The following RGS6 variants were observed in gnomAD, a reference collection of about 807,000 sequenced individuals.
The protein encoded by RGS6 is regulator of G protein signaling 6, also known as regulator of G-protein signaling 6.
A neutral mutation model predicts 78.5 loss-of-function variants in RGS6; 30 were observed. That is an observed-to-expected ratio of 0.38 (90% CI 0.29 to 0.52). The LOEUF (loss-of-function observed/expected upper bound fraction) is 0.52, where lower values mean the gene tolerates loss of function less well. Ranked by LOEUF, RGS6 falls within the 20% of genes least tolerant of loss-of-function variation. The probability of loss-of-function intolerance (pLI) is 0.85; values close to 1 mark genes in which losing one functional copy is unlikely to be tolerated. For synonymous variants in RGS6, 206 were observed against 206.0 expected (o/e 1.00, Z 0.00); for missense variants, 495 against 609.7 (o/e 0.81, Z 1.98).
chr14:72,057,452 ACT>A (rs2093677487), intron 2 of RGS6, among the ~76,000 whole-genome samples: 1 of 151,178 alleles, frequency 6.6e-6, no homozygotes, highest in Non-Finnish European at 1.5e-5. Flanking sequence ...CTGTGGTTAC[ACT>A]CTTACTCTTC....
At chr14:72,094,091 G>A (rs1460081769) in intron 2 of RGS6, among the ~76,000 whole-genome samples, 1 of 152,094 alleles carries the variant, frequency 6.6e-6, no homozygotes, top group Admixed American at 6.6e-5. Context: ...AATGTTTCTT[G>A]TATCATAAAT....
rs140902955 is a variant in RGS6 at position 72,192,756 on chromosome 14, G to A, written c.85-159339G>A. 4.5e-3 allele frequency among the ~76,000 whole-genome samples: 690 copies of A among 152,120 alleles called. 7 individuals carry two copies. Among genetic ancestry groups the A allele is most frequent in the African/African-American group, 0.016 (652 of 41,502 alleles). The stretch of plus-strand genomic sequence containing the variant: ...GGTAGGATATAATTTTCTTTCTTTC[G>A]TTCACTGTCTCAGAGTTATTTTATC... On this transcript the variant is annotated intron_variant, in intron 2 of 17. Coordinates refer to ENST00000553525, the MANE Select transcript of RGS6 (RefSeq NM_001204424.2).
rs77191253 is a variant in RGS6 at position 72,045,085 on chromosome 14, G to A, written c.84+80210G>A. 2.0e-3 allele frequency among the ~76,000 whole-genome samples: 306 copies of A among 152,244 alleles called. 5 individuals carry two copies. In the East Asian group the frequency reaches 0.043, roughly 21 times the overall value. Reference sequence around the variant, plus strand: ...CCTGGTTCTCCAGCTTGCAGATGGCGTACTATGGGACTTCCCAGCCTCCAT... The same window carrying A: ...CCTGGTTCTCCAGCTTGCAGATGGCATACTATGGGACTTCCCAGCCTCCAT... On this transcript the variant is annotated intron_variant, in intron 2 of 17. Transcript: ENST00000553525.
intron 2 of RGS6, among the ~76,000 whole-genome samples, chr14:72,199,353 A>G (rs1239851853): frequency 6.6e-6 from 1 of 152,240 alleles, no homozygotes; most frequent in Non-Finnish European, 1.5e-5. Flanking sequence ...ATTATAGAAG[A>G]GTTGTAAGCA....
chr14:71,997,530 A>G (rs2153210191), intron 2 of RGS6, among the ~76,000 whole-genome samples: 1 of 152,338 alleles, frequency 6.6e-6, no homozygotes, highest in Middle Eastern at 3.4e-3. Context: ...CTAGCTTTGT[A>G]TCAACTTTTC....
chr14:72,303,846 A>C (rs1225681828), intron 2 of RGS6, among the ~76,000 whole-genome samples: 2 of 152,146 alleles, frequency 1.3e-5, no homozygotes, highest in Non-Finnish European at 2.9e-5. Flanking sequence ...CTCTTCTTTC[A>C]CCTATTAAGA....
intron 2 of RGS6, among the ~76,000 whole-genome samples, chr14:72,222,588 C>A (rs1335402434): frequency 6.6e-6 from 1 of 152,256 alleles, no homozygotes; most frequent in Admixed American, 6.5e-5. Flanking sequence ...TAGAATGATA[C>A]CAATTGCAGA....
At chr14:72,289,895 G>A (rs777380135) in intron 2 of RGS6, among the ~76,000 whole-genome samples, 1 of 152,146 alleles carries the variant, frequency 6.6e-6, no homozygotes, top group Non-Finnish European at 1.5e-5. Flanking sequence ...CTAATTAATG[G>A]ATTTGCTGAA....
At chr14:72,283,856 T>A (rs755887711) in intron 2 of RGS6, among the ~76,000 whole-genome samples, 1 of 152,206 alleles carries the variant, frequency 6.6e-6, no homozygotes, top group Non-Finnish European at 1.5e-5. Context: ...AGTTTGGAAC[T>A]TCCTAGAGAC....
chr14:72,115,226 A>G (rs2095859577), intron 2 of RGS6, among the ~76,000 whole-genome samples: 1 of 152,168 alleles, frequency 6.6e-6, no homozygotes, highest in East Asian at 1.9e-4. Context: ...GGATTATTTT[A>G]CAGGATTTCT....
intron 2 of RGS6, among the ~76,000 whole-genome samples, chr14:72,275,404 A>G (rs1368400598): frequency 6.6e-6 from 1 of 152,216 alleles, no homozygotes; most frequent in Non-Finnish European, 1.5e-5. Context: ...GACTAAGTAT[A>G]CACTGGAAGA....
At chr14:72,144,811 G>A (rs1274586671) in intron 2 of RGS6, among the ~76,000 whole-genome samples, 1 of 150,966 alleles carries the variant, frequency 6.6e-6, no homozygotes, top group Non-Finnish European at 1.5e-5. Flanking sequence ...TGCCTTCACA[G>A]AGCCAATGTA....
chr14:72,178,632 A>G (rs1032141190), intron 2 of RGS6, among the ~76,000 whole-genome samples: 4 of 152,134 alleles, frequency 2.6e-5, no homozygotes, highest in Non-Finnish European at 4.4e-5. Context: ...TTTCATGAAA[A>G]TTCTTCGTAT....
At chr14:72,257,289 C>T (rs896785486) in intron 2 of RGS6, among the ~76,000 whole-genome samples, 12 of 152,188 alleles carry the variant, frequency 7.9e-5, no homozygotes, top group Non-Finnish European at 1.8e-4. Context: ...CTCATTATTT[C>T]CATCTTCATG....
intron 2 of RGS6, among the ~76,000 whole-genome samples, chr14:72,257,293 C>T (rs1421435096): frequency 6.6e-6 from 1 of 152,182 alleles, no homozygotes; most frequent in South Asian, 2.1e-4. Flanking sequence ...TTATTTCCAT[C>T]TTCATGTCCA....
At chr14:72,492,444 G>A (rs1229045560) in intron 12 of RGS6, among the ~76,000 whole-genome samples, 1 of 152,232 alleles carries the variant, frequency 6.6e-6, no homozygotes, top group Non-Finnish European at 1.5e-5. Flanking sequence ...TTTCAAGGGA[G>A]AAGGGAGCGA....
At chr14:72,587,623 G>A in the RGS6 span, among the ~76,000 whole-genome samples, 1 of 152,146 alleles carries the variant, frequency 6.6e-6, no homozygotes, top group Admixed American at 6.5e-5. Flanking sequence ...AACCTCAGGG[G>A]TAGTAGGAGT....
chr14:72,363,724 A>G (rs2081940557), intron 3 of RGS6, among the ~76,000 whole-genome samples: 1 of 152,196 alleles, frequency 6.6e-6, no homozygotes, highest in African/African-American at 2.4e-5. Context: ...AAAGATTTTT[A>G]TTTTAAAAGC....
At chr14:72,165,913 G>A (rs1274656585) in intron 2 of RGS6, among the ~76,000 whole-genome samples, 3 of 152,002 alleles carry the variant, frequency 2.0e-5, no homozygotes, top group Non-Finnish European at 4.4e-5. Flanking sequence ...ATAAAATTCT[G>A]TCATACATTC....
Sources: gnomAD v4.1 joint callset for allele counts (sites outside exome capture counted in the v4.1 genomes callset) on GRCh38, gnomAD v4.1.1 for gene constraint, MANE v1.5 for transcripts, NCBI Gene and HGNC (gene_info 2026-07-23, HGNC 2026-07-21) for gene names.